Variants in LRP1B observed in about 807,000 individuals in gnomAD.
LRP1B encodes the protein LDL receptor related protein 1B.
In LRP1B, 217 loss-of-function variants were observed where a neutral mutation model predicts 556.6. The ratio of observed to expected loss-of-function variants is 0.39; its 90% confidence interval spans 0.35 to 0.44. LRP1B has a LOEUF of 0.44. LRP1B is among the 20% of genes least tolerant of loss of function. The pLI is 1.00. For missense variants in LRP1B, 5,053 were observed against 5,620.8 expected, an observed-to-expected ratio of 0.90 and a Z score of 3.23; for synonymous variants, 2,047 against 1,865.8, an observed-to-expected ratio of 1.10 and a Z score of -2.50.
At chr2:140,568,777 G>A (rs138599306) in intron 43 of LRP1B, among the ~76,000 whole-genome samples, 1 of 152,052 alleles carries the variant, frequency 6.6e-6, no homozygotes, top group Non-Finnish European at 1.5e-5. Flanking sequence ...TACATTAACA[G>A]CAGACTTCTC....
chr2:141,297,994 G>A (rs569608445), intron 3 of LRP1B, among the ~76,000 whole-genome samples: 20 of 152,190 alleles, frequency 1.3e-4, no homozygotes, highest in African/African-American at 4.6e-4. Flanking sequence ...TAACAAAATT[G>A]CCTAACAATG....
chr2:140,283,065 A>T (rs1303229084), intron 84 of LRP1B, among the ~76,000 whole-genome samples: 1 of 151,762 alleles, frequency 6.6e-6, no homozygotes, highest in East Asian at 1.9e-4. Context: ...GCAATTGTGG[A>T]CTTTCATTAC....
At chr2:141,092,713 AGTG>A in intron 7 of LRP1B, among the ~76,000 whole-genome samples, 1 of 152,332 alleles carries the variant, frequency 6.6e-6, no homozygotes. Flanking sequence ...GCCAGGATCA[AGTG>A]GGGTCCCTGA....
At chr2:141,938,618 C>G (rs1405573499) in intron 1 of LRP1B, among the ~76,000 whole-genome samples, 6 of 152,026 alleles carry the variant, frequency 3.9e-5, no homozygotes, top group Non-Finnish European at 1.5e-5. Flanking sequence ...AAATCAGTAC[C>G]TTGCAGACAC....
In LRP1B at chr2:140,872,373, T is replaced by TG. The variant is rs1559167797; in HGVS notation, c.4170-4111_4170-4110insC. 3.4e-3 allele frequency among the ~76,000 whole-genome samples: 494 copies of TG among 145,274 alleles called. 5 individuals are homozygous for TG. Among genetic ancestry groups the TG allele is most frequent in the African/African-American group, 0.012 (472 of 39,158 alleles). On this transcript the variant is annotated intron_variant, in intron 25 of 90. Transcript: ENST00000389484. The stretch of plus-strand genomic sequence containing the variant: ...TTGTGTCACCTGATTTTTTTTTTTT[T>TG]TTTTTTTTTTTTTTTACTAAAGTAG...
Position 141,251,583 on chromosome 2 carries a change from A to G in LRP1B, c.463+2939T>C, listed in dbSNP as rs368191742. On this transcript the variant is annotated intron_variant, in intron 4 of 90. Transcript: ENST00000389484. ...GGAAATGTAGTGCTTAAAGGTATAT[A>G]AGAAAGAGGTAGAAATTGATAGACC... Among the ~76,000 whole-genome samples the G allele has an allele frequency of 3.3e-5, 5 of 152,240 alleles. No homozygotes were observed. The East Asian group carries it at 7.7e-4, about 24-fold the overall frequency.
intron 1 of LRP1B, among the ~76,000 whole-genome samples, chr2:142,058,042 T>G (rs1219336386): frequency 2.6e-5 from 4 of 152,124 alleles, no homozygotes; most frequent in Non-Finnish European, 1.5e-5. Context: ...CAACACAAGG[T>G]GTCTCACATG....
chr2:140,323,878 A>C lies in LRP1B; in HGVS notation c.12514+15T>G, dbSNP rs983367165. The C allele has an allele frequency of 1.6e-6, 2 of 1,289,570 alleles. No homozygotes were observed. Among genetic ancestry groups the C allele is most frequent in the Non-Finnish European group, 2.2e-6 (2 of 904,284 alleles). The allele number at this position is 1,289,570 out of a possible 1,614,324, so 79.9% of individuals were successfully genotyped here. ...ATTTACCAATATAGACAACTTCATAATATATTATACTTACAATCTAGTTGT... is the reference window on the plus strand; with the variant it reads ...ATTTACCAATATAGACAACTTCATACTATATTATACTTACAATCTAGTTGT... On this transcript the variant is annotated intron_variant, in intron 81 of 90. Transcript: ENST00000389484.
chr2:140,479,975 T>C (rs887651780), intron 59 of LRP1B, among the ~76,000 whole-genome samples: 2 of 152,210 alleles, frequency 1.3e-5, no homozygotes, highest in Non-Finnish European at 2.9e-5. Context: ...GCACAAGGTC[T>C]CTGTAACTAT....
Position 141,989,920 on chromosome 2 carries a change from G to A in LRP1B, c.82+140728C>T, listed in dbSNP as rs114013210. Among the ~76,000 whole-genome samples, 1,233 of 152,028 alleles carry A rather than the reference G, an allele frequency of 8.1e-3. 16 individuals carry two copies. The highest frequency in any genetic ancestry group is 0.028 in the African/African-American group (1,174 of 41,504). Reference sequence around the variant, plus strand: ...GAACAGACCAATACGGTCTTCATACGGCATTAGTTTTAGTAGACATCTCAT... The same window carrying A: ...GAACAGACCAATACGGTCTTCATACAGCATTAGTTTTAGTAGACATCTCAT... On this transcript the variant is annotated intron_variant, in intron 1 of 90. Coordinates refer to ENST00000389484, the MANE Select transcript of LRP1B (RefSeq NM_018557.3).
chr2:141,113,357 G>T (rs1441903652), intron 7 of LRP1B, among the ~76,000 whole-genome samples: 1 of 151,920 alleles, frequency 6.6e-6, no homozygotes, highest in Non-Finnish European at 1.5e-5. Flanking sequence ...TCTTAAATAA[G>T]CAATAAAAAA....
At position 141,817,676 on chromosome 2, in the gene LRP1B, C is replaced by T. The variant is rs192696480; in HGVS notation, c.83-7275G>A. ...TAAAACTATCATCAATAGGGGTCTA[C>T]TGCACAACTATGTAGCCCCCAGCTC... On this transcript the variant is annotated intron_variant, in intron 1 of 90. Transcript: ENST00000389484. Among the ~76,000 whole-genome samples the T allele has an allele frequency of 5.3e-5, 8 of 152,178 alleles. No individual in the cohort carries two copies. The East Asian group carries it at 1.5e-3, about 29-fold the overall frequency.
chr2:141,848,403 A>G (rs1195528786), intron 1 of LRP1B, among the ~76,000 whole-genome samples: 3 of 151,384 alleles, frequency 2.0e-5, no homozygotes, highest in Non-Finnish European at 4.4e-5. Context: ...TGGGCATGCT[A>G]TATATAGAAA....
chr2:141,921,998 C>A (rs1272497713), intron 1 of LRP1B, among the ~76,000 whole-genome samples: 2 of 151,864 alleles, frequency 1.3e-5, no homozygotes, highest in African/African-American at 4.8e-5. Flanking sequence ...CAGCTAGCAT[C>A]CAAAATAATG....
chr2:141,415,305 G>A (rs532558821), intron 3 of LRP1B, among the ~76,000 whole-genome samples: 6 of 152,210 alleles, frequency 3.9e-5, no homozygotes, highest in South Asian at 2.1e-4. Flanking sequence ...GAGCCACCAC[G>A]CCCGGCCTCT....
chr2:141,940,057 C>T (rs559915704), intron 1 of LRP1B, among the ~76,000 whole-genome samples: 3 of 152,192 alleles, frequency 2.0e-5, no homozygotes, highest in East Asian at 3.9e-4. Context: ...AACACAAGCA[C>T]TGACTATAAT....
intron 2 of LRP1B, among the ~76,000 whole-genome samples, chr2:141,777,758 A>G (rs1695124906): frequency 3.3e-5 from 5 of 152,172 alleles, no homozygotes; most frequent in South Asian, 4.1e-4. Context: ...CTGAAGGGCA[A>G]TTAGAACCTT....
intron 43 of LRP1B, among the ~76,000 whole-genome samples, chr2:140,567,227 AG>A (rs1450095108): frequency 6.6e-6 from 1 of 152,064 alleles, no homozygotes; most frequent in Non-Finnish European, 1.5e-5. Flanking sequence ...CCTTGCCCCC[AG>A]GGTCCAAGCA....
At chr2:141,377,084 A>T (rs974767904) in intron 3 of LRP1B, among the ~76,000 whole-genome samples, 20 of 152,172 alleles carry the variant, frequency 1.3e-4, no homozygotes, top group Non-Finnish European at 2.6e-4. Context: ...CTTTCAACAC[A>T]TGTCTATAAA....
Sources: allele counts gnomAD v4.1 joint callset (sites outside exome capture counted in the v4.1 genomes callset), GRCh38; gene constraint gnomAD v4.1.1; transcripts MANE v1.5; gene names NCBI Gene and HGNC (gene_info 2026-07-23, HGNC 2026-07-21).